The following MECOM variants were observed in gnomAD, a reference collection of about 807,000 sequenced individuals.
MECOM encodes the protein histone-lysine N-methyltransferase MECOM.
In MECOM, 13 loss-of-function variants were observed where a neutral mutation model predicts 116.3. That is an observed-to-expected ratio of 0.11 (90% CI 0.07 to 0.18). The LOEUF (loss-of-function observed/expected upper bound fraction) is 0.18, where lower values mean the gene tolerates loss of function less well. MECOM is among the 10% of genes least tolerant of loss of function. The pLI is 1.00. For synonymous variants in MECOM, 528 were observed against 535.2 expected (o/e 0.99, Z 0.19); for missense variants, 1,299 against 1,509.0 (o/e 0.86, Z 2.31).
At chr3:169,175,604 G>A (rs1285668948) in intron 2 of MECOM, among the ~76,000 whole-genome samples, 2 of 152,150 alleles carry the variant, frequency 1.3e-5, no homozygotes, top group Non-Finnish European at 2.9e-5. Context: ...CACTCAACCT[G>A]TATTATTTCC....
chr3:169,626,929 A>G (rs933605), intron 1 of MECOM, among the ~76,000 whole-genome samples: 104,077 of 151,662 alleles, frequency 0.69, 35,829 homozygotes, highest in South Asian at 0.73. Flanking sequence ...TAAACATCTT[A>G]CCCCAGTGAG....
intron 2 of MECOM, chr3:169,145,335 A>G (rs1739541163): frequency 3.0e-6 from 1 of 333,522 alleles, no homozygotes; most frequent in Non-Finnish European, 5.5e-6. Flanking sequence ...TGTTTCTTCA[A>G]CTCTCAGTGC....
At chr3:169,092,761 G>A (rs111654291) in intron 14 of MECOM, among the ~76,000 whole-genome samples, 197 bp downstream of exon 14, 1 of 152,074 alleles carries the variant, frequency 6.6e-6, no homozygotes, top group South Asian at 2.1e-4. Context: ...ATCTCATAGG[G>A]TTATGATGAA....
chr3:169,488,392 A>T (rs1181408791), intron 1 of MECOM, among the ~76,000 whole-genome samples: 1 of 148,672 alleles, frequency 6.7e-6, no homozygotes, highest in Admixed American at 6.6e-5. Flanking sequence ...AAAAAAAAAA[A>T]AAAATTAGCC....
intron 2 of MECOM, among the ~76,000 whole-genome samples, chr3:169,173,947 T>C (rs1294648843): frequency 3.3e-5 from 5 of 152,224 alleles, no homozygotes; most frequent in African/African-American, 1.2e-4. Flanking sequence ...CTAATGGGAT[T>C]GTAAGTCCTC....
At chr3:169,576,618 C>A (rs1764524916) in intron 1 of MECOM, among the ~76,000 whole-genome samples, 2 of 152,176 alleles carry the variant, frequency 1.3e-5, no homozygotes, top group Non-Finnish European at 2.9e-5. Flanking sequence ...CTTCAGCACT[C>A]TACCTCATTC....
In MECOM at chr3:169,172,133, C is replaced by CAA. The variant is rs11427346; in HGVS notation, c.376-28303_376-28302dup. 4.7e-4 allele frequency among the ~76,000 whole-genome samples: 67 copies of CAA among 141,784 alleles called. No homozygotes were observed. The East Asian group carries it at 0.011, about 23-fold the overall frequency. 93.0% of individuals were successfully genotyped at this position (141,784 alleles called of 152,430 possible). A position where few individuals can be genotyped will look rare whatever the true frequency, so the allele number is the denominator to read the frequency against. Reference sequence around the variant, plus strand: ...CTAAGAGTGATATATGAAAAAATACCAAAAAAAAAAAATCTTCCCATGATT... The same window carrying CAA: ...CTAAGAGTGATATATGAAAAAATACCAAAAAAAAAAAAAATCTTCCCATGATT... On this transcript the variant is annotated intron_variant, in intron 2 of 16. Transcript: ENST00000651503.
chr3:169,199,126 T>C lies in MECOM; in HGVS notation c.376-55294A>G, dbSNP rs1349909261. On this transcript the variant is annotated intron_variant, in intron 2 of 16. Transcript: ENST00000651503. The stretch of plus-strand genomic sequence containing the variant: ...TTCAGAACATGTGGAGCATACTTAT[T>C]AAACCCCAAAGAATATATTTGAAGT... 2.0e-5 allele frequency among the ~76,000 whole-genome samples: 3 copies of C among 152,084 alleles called. No homozygotes were observed. The East Asian group carries it at 5.8e-4, about 29-fold the overall frequency.
intron 2 of MECOM, among the ~76,000 whole-genome samples, chr3:169,245,971 T>C (rs1478107471): frequency 6.6e-6 from 1 of 152,170 alleles, no homozygotes; most frequent in Non-Finnish European, 1.5e-5. Context: ...GCCTTTTTTT[T>C]CCAAATAAAA....
At chr3:169,248,050 A>G (rs1347784103) in intron 2 of MECOM, among the ~76,000 whole-genome samples, 1 of 152,248 alleles carries the variant, frequency 6.6e-6, no homozygotes, top group Non-Finnish European at 1.5e-5. Context: ...GATTAAATAA[A>G]ATCATGTGTT....
At chr3:169,436,802 G>A (rs1490553402) in intron 1 of MECOM, among the ~76,000 whole-genome samples, 1 of 151,970 alleles carries the variant, frequency 6.6e-6, no homozygotes, top group Non-Finnish European at 1.5e-5. Flanking sequence ...TCTGGATTAA[G>A]AATATTAAAA....
chr3:169,223,214 G>A (rs1051693566), intron 2 of MECOM, among the ~76,000 whole-genome samples: 2 of 151,148 alleles, frequency 1.3e-5, no homozygotes, highest in African/African-American at 4.9e-5. Context: ...GTGCCATGTT[G>A]GTGTGCTGCA....
At chr3:169,317,570 C>T (rs112229037) in intron 2 of MECOM, among the ~76,000 whole-genome samples, 24 of 152,240 alleles carry the variant, frequency 1.6e-4, no homozygotes, top group African/African-American at 4.1e-4. Context: ...CTTCAAGAAA[C>T]GAAATCCTGG....
At chr3:169,412,322 A>T (rs559064898) in intron 1 of MECOM, among the ~76,000 whole-genome samples, 3 of 151,754 alleles carry the variant, frequency 2.0e-5, no homozygotes, top group South Asian at 4.1e-4. Context: ...AATTAAAAAG[A>T]TAAAAATAAA....
chr3:169,229,406 G>A (rs1753113559), intron 2 of MECOM, among the ~76,000 whole-genome samples: 1 of 152,206 alleles, frequency 6.6e-6, no homozygotes, highest in African/African-American at 2.4e-5. Context: ...TCTCTGGTCA[G>A]TCATGAAACT....
chr3:169,389,365 A>C (rs1733882618), intron 1 of MECOM, among the ~76,000 whole-genome samples: 1 of 152,254 alleles, frequency 6.6e-6, no homozygotes, highest in South Asian at 2.1e-4. Context: ...ACTATTCCAA[A>C]GGAAAACATG....
chr3:169,482,328 C>CTTTTTTT (rs768771100), intron 1 of MECOM, among the ~76,000 whole-genome samples: 4 of 108,394 alleles, frequency 3.7e-5, no homozygotes, highest in Non-Finnish European at 5.3e-5. Flanking sequence ...AACCCACGTT[C>CTTTTTTT]TTTTTTTTTT....
intron 2 of MECOM, among the ~76,000 whole-genome samples, chr3:169,191,740 G>A (rs71627299): frequency 0.013 from 834 of 64,196 alleles, 12 homozygotes; most frequent in Non-Finnish European, 0.02. Context: ...AAGAAAGAAA[G>A]AGAAAGAAAG....
intron 1 of MECOM, among the ~76,000 whole-genome samples, chr3:169,549,110 A>G (rs1237862289): frequency 6.6e-6 from 1 of 151,776 alleles, no homozygotes; most frequent in African/African-American, 2.4e-5. Context: ...AGTAGCTGGG[A>G]CTACAGGCGC....
Sources: gnomAD v4.1 joint callset for allele counts (sites outside exome capture counted in the v4.1 genomes callset) on GRCh38, gnomAD v4.1.1 for gene constraint, MANE v1.5 for transcripts, NCBI Gene and HGNC (gene_info 2026-07-23, HGNC 2026-07-21) for gene names.